Variants in BBS9 observed in about 807,000 individuals in gnomAD.
BBS9 encodes Bardet-Biedl syndrome 9, also known as protein PTHB1.
BBS9 carries 89 observed loss-of-function variants against 117.7 expected under a neutral mutation model. The ratio of observed to expected loss-of-function variants is 0.76; its 90% CI spans 0.64 to 0.90. The LOEUF (loss-of-function observed/expected upper bound fraction) is 0.90, where lower values mean the gene tolerates loss of function less well. BBS9 is among the 40% of genes least tolerant of loss of function. BBS9 has a pLI of 0.00. For missense variants in BBS9, 982 were observed against 1,042.2 expected (o/e 0.94, Z 0.80); for synonymous variants, 379 against 370.9 (o/e 1.02, Z -0.25).
chr7:33,140,171 C>T (rs879903823), intron 1 of BBS9, among the ~76,000 whole-genome samples: 21 of 152,016 alleles, frequency 1.4e-4, no homozygotes, highest in Non-Finnish European at 2.1e-4. Flanking sequence ...ACTACAGGCA[C>T]CCGCCACCAC....
chr7:33,453,871 A>G (rs886863664), intron 19 of BBS9, among the ~76,000 whole-genome samples: 11 of 152,228 alleles, frequency 7.2e-5, no homozygotes, highest in African/African-American at 2.7e-4. Context: ...TATATAATAC[A>G]TATATTAAAT....
intron 19 of BBS9, among the ~76,000 whole-genome samples, chr7:33,449,046 A>G (rs1417518430): frequency 1.3e-5 from 2 of 152,250 alleles, no homozygotes; most frequent in African/African-American, 4.8e-5. Flanking sequence ...GAATGCCAGT[A>G]GTCTGGTTCC....
chr7:33,197,905 CATATT>C (rs1272539341), intron 5 of BBS9, among the ~76,000 whole-genome samples: 2 of 151,922 alleles, frequency 1.3e-5, no homozygotes, highest in East Asian at 3.9e-4. Context: ...GTAGAAGAAT[CATATT>C]ATATGTGTTT....
intron 20 of BBS9, among the ~76,000 whole-genome samples, chr7:33,530,580 G>C (rs1850423585): frequency 6.6e-6 from 1 of 152,122 alleles, no homozygotes; most frequent in Non-Finnish European, 1.5e-5. Flanking sequence ...CTCCAGTGAT[G>C]TCTGGGTTAC....
chr7:33,423,079 G>A (rs1050792107), intron 19 of BBS9, among the ~76,000 whole-genome samples: 4 of 152,056 alleles, frequency 2.6e-5, no homozygotes, highest in Non-Finnish European at 5.9e-5. Flanking sequence ...GCCAGGGATC[G>A]GAACACTTTG....
At chr7:33,620,132 A>C (rs1865332014) in intron 21 of BBS9, among the ~76,000 whole-genome samples, 2 of 152,050 alleles carry the variant, frequency 1.3e-5, no homozygotes, top group Non-Finnish European at 2.9e-5. Flanking sequence ...ATAAAATTAT[A>C]AATGGAGGAA....
At chr7:33,536,121 G>A (rs553967132) in intron 21 of BBS9, among the ~76,000 whole-genome samples, 13 of 152,266 alleles carry the variant, frequency 8.5e-5, no homozygotes, top group African/African-American at 3.1e-4. Context: ...AAGAAAGATG[G>A]ACAGTGTGTT....
rs149493248 is a variant in BBS9 at position 33,329,081 on chromosome 7, C to T, written c.1017-7360C>T. ...TGTGTCCCAGGCTGGAGTGCAGTGG[C>T]GCGATCTCAGCTCACTGCAACCTCC... On this transcript the variant is annotated intron_variant, in intron 9 of 22. Transcript: ENST00000242067. Among the ~76,000 whole-genome samples, 967 of 151,688 alleles carry T rather than the reference C, an allele frequency of 6.4e-3. 10 individuals are homozygous for T. Among genetic ancestry groups the T allele is most frequent in the African/African-American group, 0.022 (917 of 41,388 alleles).
chr7:33,188,764 G>A (rs1224257447), intron 5 of BBS9, among the ~76,000 whole-genome samples: 1 of 152,164 alleles, frequency 6.6e-6, no homozygotes, highest in Non-Finnish European at 1.5e-5. Flanking sequence ...AGAAGGGTAG[G>A]AACATTGGTC....
Position 33,605,903 on chromosome 7 carries a change from T to C in BBS9, c.*677T>C, listed in dbSNP as rs1160620003. 6.6e-6 allele frequency: 1 copy of C among 152,438 alleles called. No homozygotes were observed. 9.4% of individuals were successfully genotyped at this position (152,438 alleles called of 1,614,324 possible). A position where few individuals can be genotyped will look rare whatever the true frequency, so the allele number is the denominator to read the frequency against. ...TTAACATCCCCTTTTCATTACCCCA[T>C]TGGGTGGCACCTTTTAAAAATCCAG... On this transcript the variant is annotated 3_prime_UTR_variant, in exon 23 of 23. Coordinates refer to ENST00000242067, the MANE Select transcript of BBS9 (RefSeq NM_198428.3).
chr7:33,180,676 GTTC>G (rs1014627294), intron 5 of BBS9, among the ~76,000 whole-genome samples: 7 of 152,124 alleles, frequency 4.6e-5, no homozygotes, highest in Non-Finnish European at 7.4e-5. Context: ...TTGAGCACTA[GTTC>G]TTCTTTTCGG....
intron 9 of BBS9, among the ~76,000 whole-genome samples, chr7:33,323,670 G>C (rs374807293): frequency 9.2e-5 from 14 of 151,390 alleles, no homozygotes; most frequent in African/African-American, 3.4e-4. Context: ...CTGATCATTG[G>C]GTCTTTTTTT....
intron 17 of BBS9, among the ~76,000 whole-genome samples, chr7:33,381,650 A>T (rs1825057917): frequency 6.6e-6 from 1 of 152,186 alleles, no homozygotes; most frequent in African/African-American, 2.4e-5. Context: ...ATTTGGTGGC[A>T]TTTATTTTAA....
intron 19 of BBS9, among the ~76,000 whole-genome samples, chr7:33,460,948 A>G (rs1839380011): frequency 6.6e-6 from 1 of 152,040 alleles, no homozygotes; most frequent in Admixed American, 6.6e-5. Context: ...CTATGGATTT[A>G]TCTTTTCTGG....
chr7:33,249,627 G>A (rs145822606), intron 5 of BBS9, among the ~76,000 whole-genome samples: 16 of 152,038 alleles, frequency 1.1e-4, no homozygotes, highest in African/African-American at 3.9e-4. Flanking sequence ...CACAACAGTT[G>A]TTTTTCTCTT....
chr7:33,397,280 A>G (rs1828143461), intron 19 of BBS9, among the ~76,000 whole-genome samples: 1 of 152,218 alleles, frequency 6.6e-6, no homozygotes, highest in South Asian at 2.1e-4. Flanking sequence ...ACCATCTCAC[A>G]CACCAGTCAG....
At chr7:33,500,329 A>G (rs774422723) in intron 19 of BBS9, among the ~76,000 whole-genome samples, 48 of 152,340 alleles carry the variant, frequency 3.2e-4, no homozygotes, top group Non-Finnish European at 5.0e-4. Flanking sequence ...TATAATTTGT[A>G]TATTGGTTTA....
At chr7:33,211,944 T>C (rs1381835092) in intron 5 of BBS9, among the ~76,000 whole-genome samples, 2 of 152,224 alleles carry the variant, frequency 1.3e-5, no homozygotes, top group African/African-American at 4.8e-5. Context: ...TTGCCACATG[T>C]ATTAGAGCTC....
At chr7:33,501,672 A>T (rs1366808093) in intron 19 of BBS9, among the ~76,000 whole-genome samples, 1 of 152,176 alleles carries the variant, frequency 6.6e-6, no homozygotes, top group East Asian at 1.9e-4. Context: ...GATAGTGAGG[A>T]ACGTGTGTAA....
Sources: gnomAD v4.1 joint callset for allele counts (sites outside exome capture counted in the v4.1 genomes callset) on GRCh38, gnomAD v4.1.1 for gene constraint, MANE v1.5 for transcripts, NCBI Gene and HGNC (gene_info 2026-07-23, HGNC 2026-07-21) for gene names.